The following CHCHD3 variants were observed in gnomAD, a reference collection of about 807,000 sequenced individuals.
CHCHD3 encodes the protein MICOS complex subunit MIC19.
A neutral mutation model predicts 38.2 loss-of-function variants in CHCHD3; 20 were observed. That is an observed-to-expected ratio of 0.52 (90% CI 0.37 to 0.76). The LOEUF (loss-of-function observed/expected upper bound fraction) is 0.76, where lower values mean the gene tolerates loss of function less well. CHCHD3 is among the 30% of genes least tolerant of loss of function. CHCHD3 has a pLI of 0.00. For synonymous variants in CHCHD3, 82 were observed against 100.0 expected (o/e 0.82, Z 1.07); for missense variants, 245 against 279.2 (o/e 0.88, Z 0.87).
intron 4 of CHCHD3, among the ~76,000 whole-genome samples, chr7:132,895,281 G>T (rs1291420787): frequency 6.6e-6 from 1 of 152,174 alleles, no homozygotes; most frequent in East Asian, 1.9e-4. Context: ...TCTCATCCTT[G>T]GCACTATCAA....
intron 4 of CHCHD3, among the ~76,000 whole-genome samples, chr7:132,891,748 G>A (rs146795827): frequency 7.8e-4 from 119 of 152,324 alleles, no homozygotes; most frequent in Middle Eastern, 3.4e-3. Context: ...CATGTTGAGG[G>A]ATGGACCAGA....
intron 6 of CHCHD3, among the ~76,000 whole-genome samples, chr7:132,802,471 A>G (rs1386741114): frequency 1.3e-5 from 2 of 152,166 alleles, no homozygotes; most frequent in Non-Finnish European, 2.9e-5. Flanking sequence ...GAGAGTTCCT[A>G]TTCCTCATTA....
chr7:132,854,438 C>T (rs138082578), intron 5 of CHCHD3, among the ~76,000 whole-genome samples: 98 of 152,184 alleles, frequency 6.4e-4, no homozygotes, highest in African/African-American at 2.2e-3. Context: ...AGGACAGTTA[C>T]GCAACAGTTT....
chr7:132,790,309 T>C (rs1806425507), intron 7 of CHCHD3, among the ~76,000 whole-genome samples: 3 of 152,158 alleles, frequency 2.0e-5, no homozygotes, highest in African/African-American at 7.2e-5. Context: ...CAGTTCTAAT[T>C]GAAGGATGAC....
intron 5 of CHCHD3, among the ~76,000 whole-genome samples, chr7:132,870,865 T>C (rs905373763): frequency 3.3e-5 from 5 of 152,198 alleles, no homozygotes; most frequent in Non-Finnish European, 5.9e-5. Context: ...CCTCTAGGTT[T>C]CTGTTTCATT....
At chr7:132,888,091 GA>G (rs1371041202) in intron 4 of CHCHD3, among the ~76,000 whole-genome samples, 1 of 150,606 alleles carries the variant, frequency 6.6e-6, no homozygotes, top group Admixed American at 6.6e-5. Context: ...AAAGAAAAAA[GA>G]AAAAAAGCTA....
rs1563234439 is a variant in CHCHD3 at position 132,785,810 on chromosome 7, T to C, written c.661-150A>G. The C allele has an allele frequency of 1.7e-5, 14 of 803,648 alleles. No homozygotes were observed. The South Asian group carries it at 2.3e-4, about 13-fold the overall frequency. 49.8% of individuals were successfully genotyped at this position (803,648 alleles called of 1,614,324 possible). On this transcript the variant is annotated intron_variant, in intron 7 of 7. Coordinates refer to ENST00000262570, the MANE Select transcript of CHCHD3 (RefSeq NM_017812.4). Reference sequence around the variant, plus strand: ...GCATATGCTTCCTGTTCTCAAAATATTGCTCCTTTAATCAACACCATTGCT... The same window carrying C: ...GCATATGCTTCCTGTTCTCAAAATACTGCTCCTTTAATCAACACCATTGCT...
chr7:132,885,591 T>C, intron 5 of CHCHD3, 71 bp downstream of exon 5: 1 of 1,220,268 alleles, frequency 8.2e-7, no homozygotes, highest in East Asian at 2.8e-5. Flanking sequence ...TTCTAATTTA[T>C]TAATTTTTAA....
At chr7:132,965,388 T>G (rs1191024668) in intron 4 of CHCHD3, among the ~76,000 whole-genome samples, 1 of 151,378 alleles carries the variant, frequency 6.6e-6, no homozygotes, top group Non-Finnish European at 1.5e-5. Context: ...TAGGAATCAA[T>G]GATAGATGTC....
chr7:133,000,239 T>A (rs2117389495), intron 3 of CHCHD3, among the ~76,000 whole-genome samples: 1 of 152,268 alleles, frequency 6.6e-6, no homozygotes, highest in South Asian at 2.1e-4. Context: ...ATGCTACAAT[T>A]TCAATGAAAA....
intron 2 of CHCHD3, among the ~76,000 whole-genome samples, chr7:133,056,749 G>A (rs942309884): frequency 6.6e-6 from 1 of 152,056 alleles, no homozygotes; most frequent in African/African-American, 2.4e-5. Context: ...AAAAAGAAAA[G>A]GATACTTAGT....
chr7:132,820,611 G>GTTTTT (rs748470167), intron 6 of CHCHD3, among the ~76,000 whole-genome samples: 22 of 96,184 alleles, frequency 2.3e-4, no homozygotes, highest in African/African-American at 4.3e-4. Context: ...ATGTGCTAGT[G>GTTTTT]TTTTTTTTTT....
chr7:132,970,275 G>A (rs1249621231), intron 4 of CHCHD3, among the ~76,000 whole-genome samples: 1 of 152,162 alleles, frequency 6.6e-6, no homozygotes, highest in Non-Finnish European at 1.5e-5. Context: ...TCAAGAGTCA[G>A]CTCAGGGGTC....
At chr7:132,844,238 C>A (rs1808014868) in intron 5 of CHCHD3, among the ~76,000 whole-genome samples, 1 of 152,152 alleles carries the variant, frequency 6.6e-6, no homozygotes, top group Non-Finnish European at 1.5e-5. Flanking sequence ...TCAGAGGTTG[C>A]AGTGAGCCAA....
intron 1 of CHCHD3, among the ~76,000 whole-genome samples, chr7:133,079,064 C>T (rs1446757228): frequency 1.3e-5 from 2 of 152,308 alleles, no homozygotes; most frequent in South Asian, 4.1e-4. Context: ...AAACCATCTA[C>T]AACAGACCTA....
At chr7:133,074,863 C>T (rs1318069235) in intron 1 of CHCHD3, among the ~76,000 whole-genome samples, 1 of 152,100 alleles carries the variant, frequency 6.6e-6, no homozygotes, top group African/African-American at 2.4e-5. Context: ...TAGTGTTTTG[C>T]ACCATAAACT....
chr7:133,041,615 G>C (rs193161175), intron 2 of CHCHD3, among the ~76,000 whole-genome samples: 1 of 152,162 alleles, frequency 6.6e-6, no homozygotes, highest in Admixed American at 6.5e-5. Context: ...TAGCAGCAAG[G>C]GTCCAGTACA....
chr7:133,052,638 GACAA>G (rs1814200385), intron 2 of CHCHD3, among the ~76,000 whole-genome samples: 2 of 152,206 alleles, frequency 1.3e-5, no homozygotes, highest in South Asian at 2.1e-4. Flanking sequence ...TTTCTTAAGT[GACAA>G]ACACACATAC....
At chr7:132,887,433 T>C (rs1482021242) in intron 4 of CHCHD3, among the ~76,000 whole-genome samples, 1 of 150,194 alleles carries the variant, frequency 6.7e-6, no homozygotes. Context: ...AAACCCAAAA[T>C]ATAAATAAAG....
Sources: gnomAD v4.1 joint callset for allele counts (sites outside exome capture counted in the v4.1 genomes callset) on GRCh38, gnomAD v4.1.1 for gene constraint, MANE v1.5 for transcripts, NCBI Gene and HGNC (gene_info 2026-07-23, HGNC 2026-07-21) for gene names.